Variants in PDZRN4 observed in about 807,000 individuals in gnomAD.
PDZRN4 encodes the protein PDZ domain-containing RING finger protein 4.
PDZRN4 carries 70 observed loss-of-function variants against 99.0 expected under a neutral mutation model. That is an observed-to-expected ratio of 0.71 (90% CI 0.58 to 0.86). The LOEUF is 0.86. Among genes scored for constraint, PDZRN4 ranks in the 40% least tolerant of loss-of-function variants. The pLI is 0.00. For synonymous variants in PDZRN4, 551 were observed against 501.6 expected (o/e 1.10, Z -1.32); for missense variants, 1,474 against 1,331.2 (o/e 1.11, Z -1.67).
intron 5 of PDZRN4, among the ~76,000 whole-genome samples, chr12:41,533,349 A>AT (rs1429009055): frequency 3.3e-5 from 5 of 151,560 alleles, no homozygotes; most frequent in Non-Finnish European, 5.9e-5. Context: ...TACTTTTTGT[A>AT]TTTTTAGTAG....
At chr12:41,406,645 G>A (rs531907568) in intron 3 of PDZRN4, among the ~76,000 whole-genome samples, 1 of 152,164 alleles carries the variant, frequency 6.6e-6, no homozygotes, top group Non-Finnish European at 1.5e-5. Flanking sequence ...TGTAATCCCA[G>A]CACTTTGGGA....
rs543011206 is a variant in PDZRN4 at position 41,360,257 on chromosome 12, G to A, written c.844-146199G>A. Among the ~76,000 whole-genome samples, 5 of 152,056 alleles carry A rather than the reference G, an allele frequency of 3.3e-5. No individual in the cohort carries two copies. In the South Asian group the frequency reaches 1.0e-3, roughly 32 times the overall value. On this transcript the variant is annotated intron_variant, in intron 3 of 9. Transcript: ENST00000402685. The stretch of plus-strand genomic sequence containing the variant: ...GTAATCTTCTAAGAACTATTTATAG[G>A]ATTGGATGAATTTGTGTCAGAAATG...
At chr12:41,197,862 T>C (rs1950784142) in intron 3 of PDZRN4, among the ~76,000 whole-genome samples, 1 of 151,704 alleles carries the variant, frequency 6.6e-6, no homozygotes, top group Admixed American at 6.6e-5. Flanking sequence ...GCTTTTAGCA[T>C]CGATTCCTCT....
intron 3 of PDZRN4, among the ~76,000 whole-genome samples, chr12:41,231,509 A>T (rs185592743): frequency 6.6e-6 from 1 of 152,144 alleles, no homozygotes; most frequent in Admixed American, 6.6e-5. Context: ...ATGCAAATAG[A>T]TTTCCCTGGA....
chr12:41,198,860 A>G (rs1047071244), intron 3 of PDZRN4, among the ~76,000 whole-genome samples: 1 of 152,104 alleles, frequency 6.6e-6, no homozygotes, highest in African/African-American at 2.4e-5. Flanking sequence ...AGTTTCACAA[A>G]TCAGAAACTT....
chr12:41,555,230 C>CAAAAAAAAAAA (rs1171846086), intron 6 of PDZRN4, among the ~76,000 whole-genome samples: 20 of 21,076 alleles, frequency 9.5e-4, no homozygotes, highest in South Asian at 2.3e-3. Context: ...GACTCTGTCT[C>CAAAAAAAAAAA]AAAAAAAAAA....
intron 2 of PDZRN4, 34 bp from the exon 3 acceptor site, chr12:41,194,047 C>T (rs749862388): frequency 2.5e-5 from 25 of 986,174 alleles, no homozygotes; most frequent in Non-Finnish European, 3.7e-5. Flanking sequence ...ATTTTGCTTA[C>T]ATCTTTCTTC....
At chr12:41,300,432 T>A (rs1951527389) in intron 3 of PDZRN4, among the ~76,000 whole-genome samples, 1 of 151,992 alleles carries the variant, frequency 6.6e-6, no homozygotes, top group Non-Finnish European at 1.5e-5. Flanking sequence ...CTCTTAATTA[T>A]ATTTTGAGAT....
chr12:41,417,046 G>A lies in PDZRN4; in HGVS notation c.844-89410G>A, dbSNP rs74078811. Among the ~76,000 whole-genome samples the A allele has an allele frequency of 3.9e-3, 598 of 152,276 alleles. 2 individuals are homozygous for A. The highest frequency in any genetic ancestry group is 0.014 in the African/African-American group (580 of 41,562). On this transcript the variant is annotated intron_variant, in intron 3 of 9. Coordinates refer to ENST00000402685, the MANE Select transcript of PDZRN4 (RefSeq NM_001164595.2). The stretch of plus-strand genomic sequence containing the variant: ...TTATGTTTGTAATACAACTAAAGAG[G>A]TAACCTCTGTTTATGGCTTTTAGAT...
chr12:41,538,658 CA>C (rs890632306), intron 5 of PDZRN4, among the ~76,000 whole-genome samples: 1 of 151,614 alleles, frequency 6.6e-6, no homozygotes, highest in East Asian at 1.9e-4. Flanking sequence ...AATTGTTGGG[CA>C]AAAAAATTAA....
At chr12:41,562,733 T>C (rs1284875738) in intron 7 of PDZRN4, among the ~76,000 whole-genome samples, 2 of 152,116 alleles carry the variant, frequency 1.3e-5, no homozygotes, top group African/African-American at 2.4e-5. Flanking sequence ...ACTTTTTCTT[T>C]AGAACTTAGA....
At chr12:41,461,274 G>A (rs1952871434) in intron 3 of PDZRN4, among the ~76,000 whole-genome samples, 1 of 151,538 alleles carries the variant, frequency 6.6e-6, no homozygotes, top group African/African-American at 2.4e-5. Context: ...AGGTAAACGT[G>A]CATCATGGGG....
intron 3 of PDZRN4, among the ~76,000 whole-genome samples, chr12:41,482,547 G>C (rs143791030): frequency 2.0e-5 from 3 of 152,120 alleles, no homozygotes; most frequent in African/African-American, 7.2e-5. Flanking sequence ...TATATGTTGA[G>C]TTATTTATTT....
chr12:41,459,978 G>A lies in PDZRN4; in HGVS notation c.844-46478G>A, dbSNP rs1952855204. On this transcript the variant is annotated intron_variant, in intron 3 of 9. Coordinates refer to ENST00000402685, the MANE Select transcript of PDZRN4 (RefSeq NM_001164595.2). ...GCTGTGACTTGAACAATGCTATTCT[G>A]CATGAAATTGAGAAATTGCCAGTGT... 1.0e-5 allele frequency: 13 copies of A among 1,287,552 alleles called. No individual in the cohort carries two copies. In the South Asian group the frequency reaches 1.6e-4, roughly 16 times the overall value. The allele number at this position is 1,287,552 out of a possible 1,614,324, so 79.8% of individuals were successfully genotyped here.
In PDZRN4 at chr12:41,443,856, G is replaced by A. The variant is rs564567440; in HGVS notation, c.844-62600G>A. ...GGATATCTAAGCAATGTCCAGGGAC[G>A]GTGGAATAGTGAATATTCAAAACTA... On this transcript the variant is annotated intron_variant, in intron 3 of 9. Transcript: ENST00000402685. 3.9e-5 allele frequency among the ~76,000 whole-genome samples: 6 copies of A among 152,166 alleles called. No homozygotes were observed. In the South Asian group the frequency reaches 1.2e-3, roughly 32 times the overall value.
At chr12:41,545,279 C>T (rs75928794) in intron 5 of PDZRN4, among the ~76,000 whole-genome samples, 1 of 152,172 alleles carries the variant, frequency 6.6e-6, no homozygotes, top group Non-Finnish European at 1.5e-5. Context: ...CTCTTAGCTT[C>T]GCACACATTA....
chr12:41,500,220 TA>T (rs1279974712), intron 3 of PDZRN4, among the ~76,000 whole-genome samples: 2 of 151,922 alleles, frequency 1.3e-5, no homozygotes, highest in African/African-American at 4.8e-5. Flanking sequence ...CTGGGTTAGA[TA>T]TCACTTATTT....
rs765328162 is a variant in PDZRN4, at chr12:41,573,915, T to A, written c.*25T>A. 3 of 1,467,586 alleles carry A rather than the reference T, an allele frequency of 2.0e-6. No individual in the cohort carries two copies. Among genetic ancestry groups the A allele is most frequent in the Non-Finnish European group, 2.7e-6 (3 of 1,093,276 alleles). 90.9% of individuals were successfully genotyped at this position (1,467,586 alleles called of 1,614,324 possible). On this transcript the variant is annotated 3_prime_UTR_variant, in exon 10 of 10. Transcript: ENST00000402685. ...ACCGAATGAATGGAATGCATGCGAC[T>A]GATTTTAGGAGGATGCTACCAGTTT...
At chr12:41,192,141 T>C (rs923950064) in intron 2 of PDZRN4, among the ~76,000 whole-genome samples, 1 of 152,168 alleles carries the variant, frequency 6.6e-6, no homozygotes, top group Non-Finnish European at 1.5e-5. Context: ...AGTATCACTC[T>C]GCAGCCCAGG....
Sources: gnomAD v4.1 joint callset for allele counts (sites outside exome capture counted in the v4.1 genomes callset) on GRCh38, gnomAD v4.1.1 for gene constraint, MANE v1.5 for transcripts, NCBI Gene and HGNC (gene_info 2026-07-23, HGNC 2026-07-21) for gene names.